The following DIP2C variants were observed in gnomAD, a reference collection of about 807,000 sequenced individuals.
DIP2C encodes the protein disco-interacting protein 2 homolog C.
DIP2C carries 33 observed loss-of-function variants against 192.4 expected under a neutral mutation model. That is an observed-to-expected ratio of 0.17 (90% confidence interval 0.13 to 0.23). DIP2C has a LOEUF of 0.23. Ranked by LOEUF, DIP2C falls within the 10% of genes least tolerant of loss-of-function variation. The pLI is 1.00. For synonymous variants in DIP2C, 979 were observed against 864.1 expected (o/e 1.13, Z -2.33); for missense variants, 1,537 against 2,110.1 (o/e 0.73, Z 5.32).
At chr10:303,383 C>T (rs1436945956) in intron 32 of DIP2C, among the ~76,000 whole-genome samples, 2 of 152,198 alleles carry the variant, frequency 1.3e-5, no homozygotes, top group Non-Finnish European at 2.9e-5. Flanking sequence ...AATAAATTAA[C>T]CTACATTTAC....
intron 1 of DIP2C, among the ~76,000 whole-genome samples, chr10:520,185 G>C (rs1000693549): frequency 6.6e-6 from 1 of 152,140 alleles, no homozygotes; most frequent in Non-Finnish European, 1.5e-5. Flanking sequence ...AAGGCGGCTG[G>C]GGTCGACATG....
At chr10:687,346 C>G (rs1194789038) in intron 1 of DIP2C, among the ~76,000 whole-genome samples, 12 of 152,186 alleles carry the variant, frequency 7.9e-5, no homozygotes, top group Non-Finnish European at 4.4e-5. Context: ...TAAACTCAAC[C>G]TGGGCAAACC....
intron 1 of DIP2C, among the ~76,000 whole-genome samples, chr10:560,950 T>TC (rs910964353): frequency 6.6e-6 from 1 of 152,128 alleles, no homozygotes; most frequent in Non-Finnish European, 1.5e-5. Context: ...AGCCTTGGTC[T>TC]CCACACAACC....
At chr10:573,367 C>G (rs1849939120) in intron 1 of DIP2C, among the ~76,000 whole-genome samples, 1 of 152,204 alleles carries the variant, frequency 6.6e-6, no homozygotes, top group African/African-American at 2.4e-5. Flanking sequence ...TTATTCTACT[C>G]TAGTTTACAC....
At chr10:531,307 A>C (rs1367697034) in intron 1 of DIP2C, among the ~76,000 whole-genome samples, 2 of 152,094 alleles carry the variant, frequency 1.3e-5, no homozygotes, top group African/African-American at 4.8e-5. Context: ...GAACCTGATG[A>C]ACACACACAG....
chr10:510,135 G>A (rs901466342), intron 1 of DIP2C, among the ~76,000 whole-genome samples: 1 of 152,196 alleles, frequency 6.6e-6, no homozygotes, highest in Non-Finnish European at 1.5e-5. Context: ...CAACACGCAT[G>A]ACCACTGAAA....
intron 1 of DIP2C, among the ~76,000 whole-genome samples, chr10:618,478 C>T (rs897732023): frequency 2.6e-5 from 4 of 152,236 alleles, no homozygotes; most frequent in Admixed American, 2.0e-4. Flanking sequence ...GCTCGCACTG[C>T]AGACAGAGCT....
At chr10:497,110 G>GC (rs1243715806) in intron 1 of DIP2C, among the ~76,000 whole-genome samples, 2 of 151,896 alleles carry the variant, frequency 1.3e-5, no homozygotes, top group Non-Finnish European at 2.9e-5. Flanking sequence ...GGCGACTAGA[G>GC]CAAGACTCCA....
chr10:344,186 T>A lies in DIP2C; in HGVS notation c.3453+623A>T, dbSNP rs530683282. 2.0e-5 allele frequency among the ~76,000 whole-genome samples: 3 copies of A among 152,284 alleles called. No individual in the cohort carries two copies. In the East Asian group the frequency reaches 5.8e-4, roughly 29 times the overall value. ...CTAACTTCAGACCACAGTAAGTAAA[T>A]CATCTTGATCTGAAAACATTTCTTT... is the stretch of plus-strand genomic sequence containing the variant. On this transcript the variant is annotated intron_variant, in intron 28 of 36. Transcript: ENST00000280886.
rs568206716 is a variant in DIP2C at position 460,126 on chromosome 10, C to CA, written c.268+12312dup. On this transcript the variant is annotated intron_variant, in intron 3 of 36. Transcript: ENST00000280886. ...GGCTCTAGGATCTTCCTCTCACAGTCACATCAGGGAACGGCATGCTGCACA... is the reference window on the plus strand; with the variant it reads ...GGCTCTAGGATCTTCCTCTCACAGTCAACATCAGGGAACGGCATGCTGCACA... Among the ~76,000 whole-genome samples, 857 of 152,338 alleles carry CA rather than the reference C, an allele frequency of 5.6e-3. 8 individuals are homozygous for CA. The highest frequency in any genetic ancestry group is 0.019 in the African/African-American group (786 of 41,578).
chr10:469,478 G>A (rs1970465146), intron 3 of DIP2C, among the ~76,000 whole-genome samples: 1 of 151,926 alleles, frequency 6.6e-6, no homozygotes, highest in African/African-American at 2.4e-5. Context: ...CACCATGCCT[G>A]GCTAATTTTT....
intron 3 of DIP2C, among the ~76,000 whole-genome samples, chr10:460,664 A>G (rs1402414032): frequency 6.6e-6 from 1 of 152,222 alleles, no homozygotes; most frequent in Non-Finnish European, 1.5e-5. Flanking sequence ...TTCCCCAACC[A>G]ACCAAGACAG....
Position 329,443 on chromosome 10 carries a change from T to C in DIP2C, c.3743A>G (p.Glu1248Gly), listed in dbSNP as rs780734211. ...LCTKGLGSQT[E>G]SLKARGLDLS... Reference sequence around the variant, plus strand: ...AAGGGAGCTGCTTACCTTGAGGGACTCTGTTTGCGAGCCCAGCCCCTTGGT... The same window carrying C: ...AAGGGAGCTGCTTACCTTGAGGGACCCTGTTTGCGAGCCCAGCCCCTTGGT... The change falls in exon 30 of 37, where the codon GAG becomes GGG. Residue 1248 changes from glutamate to glycine, a missense_variant. Around this residue, in one of 4 missense-constraint regions of DIP2C, gnomAD observed 341 missense variants for 551.7 expected, o/e 0.62. Transcript: ENST00000280886. The C allele has an allele frequency of 1.9e-6, 3 of 1,613,566 alleles. No individual in the cohort carries two copies. Among genetic ancestry groups the C allele is most frequent in the Admixed American group, 1.7e-5 (1 of 59,974 alleles).
intron 1 of DIP2C, among the ~76,000 whole-genome samples, chr10:688,904 C>A (rs1249187962): frequency 1.3e-5 from 2 of 152,010 alleles, no homozygotes; most frequent in East Asian, 3.9e-4. Flanking sequence ...TGGGATCCCC[C>A]GGGCCGCGCC....
chr10:679,128 G>A (rs371630367), intron 1 of DIP2C, among the ~76,000 whole-genome samples: 17 of 2,502 alleles, frequency 6.8e-3, no homozygotes, highest in Non-Finnish European at 0.013. Flanking sequence ...CATGCTCCCC[G>A]CACCCATCCT....
chr10:579,910 C>T (rs896125232), intron 1 of DIP2C, among the ~76,000 whole-genome samples: 2 of 152,018 alleles, frequency 1.3e-5, no homozygotes, highest in African/African-American at 4.8e-5. Flanking sequence ...AATCTATATG[C>T]ATACAATGTA....
At chr10:566,844 G>A (rs1040184309) in intron 1 of DIP2C, among the ~76,000 whole-genome samples, 22 of 152,200 alleles carry the variant, frequency 1.4e-4, no homozygotes, top group African/African-American at 5.1e-4. Flanking sequence ...CACAGCTAGC[G>A]TGCCACAGAG....
intron 2 of DIP2C, among the ~76,000 whole-genome samples, chr10:473,962 T>TC (rs1970854616): frequency 6.6e-6 from 1 of 152,138 alleles, no homozygotes; most frequent in Non-Finnish European, 1.5e-5. Flanking sequence ...TAAGCATGGC[T>TC]CCTACACCGT....
intron 1 of DIP2C, among the ~76,000 whole-genome samples, chr10:539,546 T>G (rs1433522066): frequency 6.6e-6 from 1 of 152,150 alleles, no homozygotes; most frequent in African/African-American, 2.4e-5. Flanking sequence ...CCCACCCCCA[T>G]GGGCACTGTG....
Sources: allele counts gnomAD v4.1 joint callset (sites outside exome capture counted in the v4.1 genomes callset), GRCh38; gene constraint gnomAD v4.1.1; regional missense constraint gnomAD v4.1.1; transcripts MANE v1.5; gene names NCBI Gene and HGNC (gene_info 2026-07-23, HGNC 2026-07-21).